The following NXPH1 variants were observed in gnomAD, a reference collection of about 807,000 sequenced individuals.
NXPH1 encodes neurexophilin-1.
Under a neutral mutation model 23.7 loss-of-function variants are expected in NXPH1, and 5 were observed. The observed-to-expected ratio is 0.21, with a 90% CI of 0.11 to 0.44. The LOEUF is 0.44. Ranked by LOEUF, NXPH1 falls within the 20% of genes least tolerant of loss-of-function variation. The probability of loss-of-function intolerance (pLI) is 0.99; values close to 1 mark genes in which losing one functional copy is unlikely to be tolerated. For synonymous variants in NXPH1, 144 were observed against 122.2 expected (o/e 1.18, Z -1.18); for missense variants, 324 against 321.6 (o/e 1.01, Z -0.06).
chr7:8,737,282 G>T (rs1583254255), intron 2 of NXPH1, among the ~76,000 whole-genome samples: 2 of 152,034 alleles, frequency 1.3e-5, no homozygotes, highest in African/African-American at 4.8e-5. Flanking sequence ...TTTTTCCTTT[G>T]TATATTTAGT....
In NXPH1 at chr7:8,712,513, A is replaced by T. The variant is rs114962789; in HGVS notation, c.55-38495A>T. On this transcript the variant is annotated intron_variant, in intron 2 of 2. Transcript: ENST00000405863. ...CTCTGTGTCTTGGGAATACAAAAAG[A>T]ACTGGATGACTAGTCTCCACTCCTC... 7.0e-3 allele frequency among the ~76,000 whole-genome samples: 1,064 copies of T among 152,326 alleles called. 13 individuals carry two copies. Among genetic ancestry groups the T allele is most frequent in the African/African-American group, 0.023 (972 of 41,584 alleles).
At chr7:8,561,750 G>C (rs1013407782) in intron 2 of NXPH1, among the ~76,000 whole-genome samples, 1 of 151,278 alleles carries the variant, frequency 6.6e-6, no homozygotes, top group African/African-American at 2.4e-5. Context: ...GAAGAAAAGA[G>C]AAAAAAAGTG....
chr7:8,534,624 T>C (rs1817999841), intron 2 of NXPH1, among the ~76,000 whole-genome samples: 1 of 152,154 alleles, frequency 6.6e-6, no homozygotes, highest in South Asian at 2.1e-4. Context: ...AAGCCTTTTA[T>C]TTATCTGTGT....
intron 2 of NXPH1, among the ~76,000 whole-genome samples, chr7:8,483,374 C>T (rs534936520): frequency 2.6e-5 from 4 of 152,078 alleles, no homozygotes; most frequent in East Asian, 3.9e-4. Context: ...TCAGTCACTC[C>T]GGCTGGAGTA....
At chr7:8,617,777 T>C (rs1295849344) in intron 2 of NXPH1, among the ~76,000 whole-genome samples, 1 of 152,150 alleles carries the variant, frequency 6.6e-6, no homozygotes, top group Non-Finnish European at 1.5e-5. Context: ...TTGTACGTTT[T>C]AAAACAACTT....
At chr7:8,458,324 C>A (rs1005363185) in intron 2 of NXPH1, among the ~76,000 whole-genome samples, 2 of 152,136 alleles carry the variant, frequency 1.3e-5, no homozygotes, top group Non-Finnish European at 2.9e-5. Context: ...AGGAAACAAC[C>A]CACAGATTCA....
At chr7:8,697,089 C>T (rs539082693) in intron 2 of NXPH1, among the ~76,000 whole-genome samples, 20 of 141,174 alleles carry the variant, frequency 1.4e-4, no homozygotes, top group African/African-American at 5.1e-4. Context: ...GCCAGGGAGG[C>T]AGAGTTTGCA....
At chr7:8,669,908 G>A (rs996845364) in intron 2 of NXPH1, among the ~76,000 whole-genome samples, 2 of 152,128 alleles carry the variant, frequency 1.3e-5, no homozygotes, top group African/African-American at 4.8e-5. Context: ...TTCATGCAGG[G>A]ATAGTTGTTC....
intron 2 of NXPH1, among the ~76,000 whole-genome samples, chr7:8,665,022 T>C (rs1377070887): frequency 2.0e-5 from 3 of 151,998 alleles, no homozygotes; most frequent in African/African-American, 4.8e-5. Flanking sequence ...AAGTTTTATA[T>C]GTTATGTAAT....
intron 2 of NXPH1, among the ~76,000 whole-genome samples, chr7:8,588,239 C>G (rs913575130): frequency 6.6e-6 from 1 of 152,122 alleles, no homozygotes; most frequent in Admixed American, 6.6e-5. Context: ...ACAGCAGTCC[C>G]ATTACTGGGT....
intron 2 of NXPH1, among the ~76,000 whole-genome samples, chr7:8,501,126 A>G (rs908219401): frequency 1.3e-5 from 2 of 152,076 alleles, no homozygotes; most frequent in African/African-American, 2.4e-5. Context: ...TGAAAAATCT[A>G]TCAGCTGTCA....
In NXPH1 at chr7:8,435,679, G is replaced by T. The variant is rs564506787; in HGVS notation, c.-35G>T. 10 of 1,607,226 alleles carry T rather than the reference G, an allele frequency of 6.2e-6. 1 individual carries two copies. In the South Asian group the frequency reaches 9.9e-5, roughly 16 times the overall value. ...GTTTCTGAAGGAACAAAGACTCAAA[G>T]AAGGCACCGCCAAGGAAGTTTGAGA... On this transcript the variant is annotated 5_prime_UTR_variant, in exon 2 of 3. An upstream open reading frame in the 5' UTR gains an earlier in-frame stop. Coordinates refer to ENST00000405863, the MANE Select transcript of NXPH1 (RefSeq NM_152745.3). This position sits in a 1 kb window ranked among gnomAD's most constrained non-coding sequence, Gnocchi z 5.9.
At chr7:8,498,371 A>AT (rs928336838) in intron 2 of NXPH1, among the ~76,000 whole-genome samples, 6 of 152,022 alleles carry the variant, frequency 3.9e-5, no homozygotes, top group African/African-American at 1.4e-4. Context: ...GAGTTGATAG[A>AT]TTTTTGTCTT....
chr7:8,584,613 G>A (rs1406609201), intron 2 of NXPH1, among the ~76,000 whole-genome samples: 1 of 152,158 alleles, frequency 6.6e-6, no homozygotes, highest in Non-Finnish European at 1.5e-5. Context: ...AAGTGATATG[G>A]AAATATGATC....
At chr7:8,693,446 A>G (rs1821253945) in intron 2 of NXPH1, among the ~76,000 whole-genome samples, 1 of 152,240 alleles carries the variant, frequency 6.6e-6, no homozygotes, top group Non-Finnish European at 1.5e-5. Context: ...TAGTGACCCT[A>G]GAAAACATTT....
Position 8,597,942 on chromosome 7 carries a change from A to T in NXPH1, c.55-153066A>T, listed in dbSNP as rs527675252. On this transcript the variant is annotated intron_variant, in intron 2 of 2. Transcript: ENST00000405863. ...AAATCTGAGAGTTCTTTTACTGCGG[A>T]GAGTGGTCCTATCATTTGAGTGTAG... 2.0e-5 allele frequency among the ~76,000 whole-genome samples: 3 copies of T among 151,962 alleles called. No homozygotes were observed. In the East Asian group the frequency reaches 5.9e-4, roughly 30 times the overall value.
chr7:8,633,275 A>G (rs1252760702), intron 2 of NXPH1, among the ~76,000 whole-genome samples: 1 of 152,208 alleles, frequency 6.6e-6, no homozygotes, highest in Non-Finnish European at 1.5e-5. Flanking sequence ...TACTAAAAAT[A>G]CAAAAAGCCG....
intron 2 of NXPH1, among the ~76,000 whole-genome samples, chr7:8,742,883 G>T (rs1362131248): frequency 6.6e-6 from 1 of 152,130 alleles, no homozygotes; most frequent in Non-Finnish European, 1.5e-5. Flanking sequence ...AGTGATTTTG[G>T]ACAAGTGCTA....
intron 2 of NXPH1, among the ~76,000 whole-genome samples, chr7:8,545,841 A>G (rs1037946858): frequency 1.7e-4 from 26 of 151,502 alleles, no homozygotes; most frequent in Non-Finnish European, 1.5e-5. Flanking sequence ...ATACAATTAC[A>G]TCAAGCTCTC....
Sources: gnomAD v4.1 joint callset for allele counts (sites outside exome capture counted in the v4.1 genomes callset) on GRCh38, gnomAD v4.1.1 for gene constraint, Gnocchi (gnomAD v3.1) non-coding constraint, MANE v1.5 for transcripts, NCBI Gene and HGNC (gene_info 2026-07-23, HGNC 2026-07-21) for gene names.